Variants in HOMER2 observed in about 807,000 individuals in gnomAD.
The protein encoded by HOMER2 is homer scaffold protein 2, also known as homer protein homolog 2.
Under a neutral mutation model 47.0 loss-of-function variants are expected in HOMER2, and 27 were observed. The observed-to-expected ratio is 0.57, with a 90% CI of 0.42 to 0.79. HOMER2 has a LOEUF of 0.79. Ranked by LOEUF, HOMER2 falls within the 30% of genes least tolerant of loss-of-function variation. The pLI, the probability that HOMER2 is intolerant of heterozygous loss-of-function variation, is 0.00. For synonymous variants in HOMER2, 161 were observed against 163.8 expected (o/e 0.98, Z 0.13); for missense variants, 443 against 435.0 (o/e 1.02, Z -0.16).
At position 82,849,109 on chromosome 15, in the gene HOMER2, T is replaced by C. The variant is rs1222044561; in HGVS notation, c.*606A>G. On this transcript the variant is annotated 3_prime_UTR_variant, in exon 9 of 9. Coordinates refer to ENST00000450735, the MANE Select transcript of HOMER2 (RefSeq NM_004839.4). ...ATTAAAACCAAGAAAAGGAACACTGTTGCAACCGTACAAACTGGGGGGGCG... is the reference window on the plus strand; with the variant it reads ...ATTAAAACCAAGAAAAGGAACACTGCTGCAACCGTACAAACTGGGGGGGCG... 2 of 147,082 alleles carry C rather than the reference T, an allele frequency of 1.4e-5. No homozygotes were observed. The highest frequency in any genetic ancestry group is 5.0e-5 in the African/African-American group (2 of 39,878). The allele number at this position is 147,082 out of a possible 1,614,324, so 9.1% of individuals were successfully genotyped here. A position where few individuals can be genotyped will look rare whatever the true frequency, so the allele number is the denominator to read the frequency against.
intron 1 of HOMER2, among the ~76,000 whole-genome samples, chr15:82,927,834 G>T (rs1376296427): frequency 6.6e-6 from 1 of 152,136 alleles, no homozygotes; most frequent in Admixed American, 6.5e-5. Context: ...GCCGGGCATA[G>T]TAGTGCATGC....
chr15:82,892,415 A>G (rs1387797553), intron 2 of HOMER2, among the ~76,000 whole-genome samples: 2 of 152,220 alleles, frequency 1.3e-5, no homozygotes, highest in Non-Finnish European at 2.9e-5. Flanking sequence ...ATTGGAAGCC[A>G]CTTAAATATC....
intron 1 of HOMER2, among the ~76,000 whole-genome samples, chr15:82,927,322 G>A (rs187450797): frequency 5.3e-5 from 8 of 151,998 alleles, no homozygotes; most frequent in Admixed American, 4.6e-4. Flanking sequence ...CTGGTTCATG[G>A]ATATCATCAC....
At chr15:82,860,955 A>ATG (rs796424812) in intron 4 of HOMER2, among the ~76,000 whole-genome samples, 21 of 71,128 alleles carry the variant, frequency 3.0e-4, no homozygotes, top group African/African-American at 1.3e-3. Flanking sequence ...AAGATAGAAG[A>ATG]TGAGAGAGAG....
intron 4 of HOMER2, among the ~76,000 whole-genome samples, chr15:82,863,889 C>T (rs978671060): frequency 1.3e-5 from 2 of 152,214 alleles, no homozygotes; most frequent in Non-Finnish European, 2.9e-5. Flanking sequence ...GCTGCCTCGC[C>T]TCTGGCATTT....
At position 82,920,643 on chromosome 15, in the gene HOMER2, A is replaced by C. The variant is rs750318131; in HGVS notation, c.6-27802T>G. On this transcript the variant is annotated intron_variant, in intron 1 of 8. Coordinates refer to ENST00000450735, the MANE Select transcript of HOMER2 (RefSeq NM_004839.4). ...CTCTTCTCTATTCTGTGTGTAGTAA[A>C]ATCTCCCTCTGCTACTCTCTTCAGA... Among the ~76,000 whole-genome samples the C allele has an allele frequency of 6.9e-4, 105 of 152,048 alleles. 5 individuals carry two copies. The highest frequency in any genetic ancestry group is 2.5e-4 in the Non-Finnish European group (17 of 68,004).
chr15:82,952,793 G>T, upstream of HOMER2: 1 of 825,980 alleles, frequency 1.2e-6, no homozygotes, highest in Non-Finnish European at 1.5e-6. Context: ...CCCCCGCCCG[G>T]CTCCTTACGT....
chr15:82,837,915 G>A (rs2051142859), exon 2 of HOMER2: 1 of 152,300 alleles, frequency 6.6e-6, no homozygotes, highest in South Asian at 2.1e-4. Flanking sequence ...GTATGAAAAG[G>A]ACGATGGAAG....
At chr15:82,878,245 T>C (rs1316042020) in intron 2 of HOMER2, among the ~76,000 whole-genome samples, 1 of 152,200 alleles carries the variant, frequency 6.6e-6, no homozygotes, top group Non-Finnish European at 1.5e-5. Context: ...ATACAGGCTA[T>C]CCCAGAGGCA....
chr15:82,869,926 G>T (rs2052123065), intron 3 of HOMER2, among the ~76,000 whole-genome samples: 1 of 152,120 alleles, frequency 6.6e-6, no homozygotes, highest in Non-Finnish European at 1.5e-5. Flanking sequence ...CCTTAGAATA[G>T]ATTCTTGTCA....
chr15:82,847,047 T>C (rs553225038), downstream of HOMER2: 9 of 152,218 alleles, frequency 5.9e-5, no homozygotes, highest in African/African-American at 1.9e-4. Context: ...GAGACCTCAA[T>C]TGCAAACTGA....
intron 1 of HOMER2, among the ~76,000 whole-genome samples, chr15:82,936,620 T>G (rs1387381141): frequency 1.3e-5 from 2 of 152,240 alleles, no homozygotes; most frequent in East Asian, 3.8e-4. Context: ...TCACCCAGAC[T>G]GGACTGCAGT....
chr15:82,874,432 C>G (rs933604579), intron 3 of HOMER2, among the ~76,000 whole-genome samples: 3 of 152,202 alleles, frequency 2.0e-5, no homozygotes, highest in Non-Finnish European at 4.4e-5. Context: ...AATGTAGTCT[C>G]TAAAACAGGC....
chr15:82,863,945 T>C (rs1215342711), intron 4 of HOMER2, among the ~76,000 whole-genome samples: 1 of 152,212 alleles, frequency 6.6e-6, no homozygotes, highest in Non-Finnish European at 1.5e-5. Context: ...GGATGTGTAT[T>C]AACTCAAATC....
At chr15:82,896,187 G>A (rs2052909370) in intron 1 of HOMER2, among the ~76,000 whole-genome samples, 1 of 152,108 alleles carries the variant, frequency 6.6e-6, no homozygotes, top group African/African-American at 2.4e-5. Flanking sequence ...AAGGAGGGTG[G>A]AGATGAGTGC....
intron 1 of HOMER2, among the ~76,000 whole-genome samples, chr15:82,981,020 G>T (rs1177232617): frequency 6.6e-6 from 1 of 152,206 alleles, no homozygotes; most frequent in Non-Finnish European, 1.5e-5. Context: ...TTTTGAGACT[G>T]AAGAAATTTG....
chr15:82,939,695 A>G (rs2151215083), intron 1 of HOMER2, among the ~76,000 whole-genome samples: 1 of 152,092 alleles, frequency 6.6e-6, no homozygotes, highest in South Asian at 2.1e-4. Flanking sequence ...AAGAACATGA[A>G]TTTTGCTCTC....
intron 1 of HOMER2, among the ~76,000 whole-genome samples, chr15:82,966,666 A>G (rs1355832810): frequency 6.6e-6 from 1 of 152,226 alleles, no homozygotes; most frequent in Admixed American, 6.5e-5. Flanking sequence ...GGTGACTTGC[A>G]GGGTTAACCT....
intron 1 of HOMER2, among the ~76,000 whole-genome samples, chr15:82,935,111 A>G (rs1466109002): frequency 6.6e-6 from 1 of 151,122 alleles, no homozygotes; most frequent in Non-Finnish European, 1.5e-5. Flanking sequence ...CTCCCCTCAC[A>G]CCTCGCCTGC....
Sources: gnomAD v4.1 joint callset for allele counts (sites outside exome capture counted in the v4.1 genomes callset) on GRCh38, gnomAD v4.1.1 for gene constraint, MANE v1.5 for transcripts, NCBI Gene and HGNC (gene_info 2026-07-23, HGNC 2026-07-21) for gene names.